Variants in DSCAML1 observed in about 807,000 individuals in gnomAD.
DSCAML1 encodes DS cell adhesion molecule like 1.
A neutral mutation model predicts 200.5 loss-of-function variants in DSCAML1; 38 were observed. The observed-to-expected ratio is 0.19, with a 90% CI of 0.15 to 0.25. DSCAML1 has a LOEUF of 0.25. Ranked by LOEUF, DSCAML1 falls within the 10% of genes least tolerant of loss-of-function variation. DSCAML1 has a pLI of 1.00. For missense variants in DSCAML1, 2,223 were observed against 2,858.8 expected (o/e 0.78, Z 5.07); for synonymous variants, 1,215 against 1,165.0 (o/e 1.04, Z -0.87).
chr11:117,809,834 C>T (rs1161722750), intron 1 of DSCAML1, among the ~76,000 whole-genome samples: 1 of 150,572 alleles, frequency 6.6e-6, no homozygotes, highest in Non-Finnish European at 1.5e-5. Flanking sequence ...CACACAAACT[C>T]ACACAGTCAC....
Position 117,689,864 on chromosome 11 carries a change from C to T in DSCAML1, c.511+86927G>A, listed in dbSNP as rs191392526. On this transcript the variant is annotated intron_variant, in intron 3 of 32. Transcript: ENST00000651296. ...TTCTGCATAATGTTGCTCAGACAAA[C>T]GACACCCCTGAAACTCTTTGCCAAG... Among the ~76,000 whole-genome samples, 625 of 152,232 alleles carry T rather than the reference C, an allele frequency of 4.1e-3. 3 individuals are homozygous for T. Among genetic ancestry groups the T allele is most frequent in the African/African-American group, 0.013 (523 of 41,518 alleles).
intron 3 of DSCAML1, among the ~76,000 whole-genome samples, chr11:117,676,230 G>A (rs1238392896): frequency 6.6e-6 from 1 of 152,038 alleles, no homozygotes; most frequent in South Asian, 2.1e-4. Context: ...GCATCAGATA[G>A]CAGAGTTTTT....
chr11:117,478,342 G>A (rs2048840108), intron 14 of DSCAML1, among the ~76,000 whole-genome samples: 2 of 152,138 alleles, frequency 1.3e-5, no homozygotes, highest in African/African-American at 2.4e-5. Context: ...GTGCCATGAG[G>A]GATGTCACCC....
chr11:117,662,901 C>T (rs2052884721), intron 3 of DSCAML1, among the ~76,000 whole-genome samples: 2 of 152,188 alleles, frequency 1.3e-5, no homozygotes, highest in Non-Finnish European at 2.9e-5. Flanking sequence ...CCAGATGATT[C>T]CCAAGCATGT....
intron 4 of DSCAML1, among the ~76,000 whole-genome samples, chr11:117,527,530 G>A (rs933961861): frequency 6.6e-5 from 10 of 152,332 alleles, no homozygotes; most frequent in Admixed American, 5.9e-4. Context: ...TTGCAGAACT[G>A]TATAGACTTG....
At chr11:117,484,208 AT>A (rs1455050018) in intron 11 of DSCAML1, among the ~76,000 whole-genome samples, 1 of 152,148 alleles carries the variant, frequency 6.6e-6, no homozygotes, top group Non-Finnish European at 1.5e-5. Flanking sequence ...TTATGGACAA[AT>A]AAGCCTTTGA....
rs1555185525 is a variant in DSCAML1 at position 117,566,340 on chromosome 11, T to TCTCTC, written c.512-33819_512-33818insGAGAG. On this transcript the variant is annotated intron_variant, in intron 3 of 32. Transcript: ENST00000651296. ...GTCTCTCTTTCTCCCTTTCTTTTCTTTCTCTCTCTCTCTCTCTTTTTTTTT... is the reference window on the plus strand; with the variant it reads ...GTCTCTCTTTCTCCCTTTCTTTTCTTCTCTCTCTCTCTCTCTCTCTCTTTTTTTTT... Among the ~76,000 whole-genome samples, 24 of 141,792 alleles carry TCTCTC rather than the reference T, an allele frequency of 1.7e-4. 1 individual carries two copies. Among genetic ancestry groups the TCTCTC allele is most frequent in the Non-Finnish European group, 2.4e-4 (16 of 66,254 alleles). The allele number at this position is 141,792 out of a possible 152,430, so 93.0% of individuals were successfully genotyped here.
intron 8 of DSCAML1, among the ~76,000 whole-genome samples, chr11:117,507,549 A>G (rs1039146246): frequency 6.6e-6 from 1 of 152,174 alleles, no homozygotes; most frequent in Non-Finnish European, 1.5e-5. Context: ...AGTGATATTT[A>G]GGAGGGATGT....
chr11:117,583,976 GT>G (rs1322236183), intron 3 of DSCAML1, among the ~76,000 whole-genome samples: 1 of 152,132 alleles, frequency 6.6e-6, no homozygotes, highest in African/African-American at 2.4e-5. Context: ...AGGCTTCCTG[GT>G]ACCCCTGTAC....
intron 18 of DSCAML1, among the ~76,000 whole-genome samples, chr11:117,460,618 G>A (rs2048460890): frequency 6.6e-6 from 1 of 152,176 alleles, no homozygotes; most frequent in Non-Finnish European, 1.5e-5. Flanking sequence ...TCACGTGAAG[G>A]TCTGTGTACA....
intron 3 of DSCAML1, among the ~76,000 whole-genome samples, chr11:117,571,663 G>C (rs561629403): frequency 1.9e-4 from 29 of 151,968 alleles, no homozygotes; most frequent in Admixed American, 1.2e-3. Flanking sequence ...TCCTCAGCCC[G>C]TCCTCCCCCC....
At chr11:117,594,410 C>T (rs1284897629) in intron 3 of DSCAML1, among the ~76,000 whole-genome samples, 3 of 152,226 alleles carry the variant, frequency 2.0e-5, no homozygotes, top group African/African-American at 7.2e-5. Flanking sequence ...CAAACAAACA[C>T]CCTTGAGAAG....
Position 117,627,601 on chromosome 11 carries a change from G to A in DSCAML1, c.512-95079C>T, listed in dbSNP as rs150164963. Among the ~76,000 whole-genome samples the A allele has an allele frequency of 3.2e-3, 480 of 152,218 alleles. 3 individuals carry two copies. Among genetic ancestry groups the A allele is most frequent in the South Asian group, 0.023 (112 of 4,810 alleles). On this transcript the variant is annotated intron_variant, in intron 3 of 32. Transcript: ENST00000651296. ...TATGTAAAGCCCGTCTGCTGCCCGTGGCTTGGTTCAGCTCCTCCGTAACTG... is the reference window on the plus strand; with the variant it reads ...TATGTAAAGCCCGTCTGCTGCCCGTAGCTTGGTTCAGCTCCTCCGTAACTG...
chr11:117,568,181 T>C (rs1223028513), intron 3 of DSCAML1, among the ~76,000 whole-genome samples: 2 of 152,244 alleles, frequency 1.3e-5, no homozygotes, highest in Admixed American at 6.5e-5. Context: ...CAACCCTTCC[T>C]GCTAAAAACT....
chr11:117,566,304 C>A (rs940220183), intron 3 of DSCAML1, among the ~76,000 whole-genome samples: 1 of 151,646 alleles, frequency 6.6e-6, no homozygotes, highest in Non-Finnish European at 1.5e-5. Flanking sequence ...TACATCCTTT[C>A]TTTTCTTTCT....
chr11:117,815,852 C>A (rs17121259), intron 1 of DSCAML1, among the ~76,000 whole-genome samples: 2 of 150,256 alleles, frequency 1.3e-5, no homozygotes, highest in South Asian at 4.2e-4. Context: ...GCCAGGGGAC[C>A]CTAAGTCTCC....
At chr11:117,433,043 G>T in intron 29 of DSCAML1, 95 bp downstream of exon 29, 1 of 1,064,978 alleles carries the variant, frequency 9.4e-7, no homozygotes. Context: ...CAGAACCCTG[G>T]GCACTGCCAT....
At chr11:117,465,519 A>G (rs1197699143) in intron 16 of DSCAML1, among the ~76,000 whole-genome samples, 2 of 152,274 alleles carry the variant, frequency 1.3e-5, no homozygotes, top group East Asian at 3.9e-4. Flanking sequence ...CTCCTTATGT[A>G]AGACAGCTCC....
At chr11:117,797,822 A>C (rs74840364), upstream of DSCAML1, among the ~76,000 whole-genome samples, 1,007 of 150,310 alleles carry the variant, frequency 6.7e-3, 26 homozygotes, top group East Asian at 0.083. Context: ...GGTTATTCAC[A>C]ATGAGCAGTT....
Sources: gnomAD v4.1 joint callset for allele counts (sites outside exome capture counted in the v4.1 genomes callset) on GRCh38, gnomAD v4.1.1 for gene constraint, MANE v1.5 for transcripts, NCBI Gene and HGNC (gene_info 2026-07-23, HGNC 2026-07-21) for gene names.